The following C12orf42 variants were observed in gnomAD, a reference collection of about 807,000 sequenced individuals.
The protein encoded by C12orf42 is chromosome 12 open reading frame 42.
C12orf42 carries 25 observed loss-of-function variants against 21.6 expected under a neutral mutation model. The observed-to-expected ratio is 1.16, with a 90% CI of 0.84 to 1.62. The LOEUF is 1.62. Ranked by LOEUF, C12orf42 falls within the 40% of genes most tolerant of loss-of-function variation. The pLI is 0.00. For synonymous variants in C12orf42, 174 were observed against 175.0 expected, an observed-to-expected ratio of 0.99 and a Z score of 0.05; for missense variants, 483 against 459.3, an observed-to-expected ratio of 1.05 and a Z score of -0.47.
chr12:103,287,254 T>C (rs372202086), intron 4 of C12orf42, among the ~76,000 whole-genome samples: 4 of 152,180 alleles, frequency 2.6e-5, no homozygotes, highest in African/African-American at 9.6e-5. Flanking sequence ...CACATGCACA[T>C]GTATGTTTAC....
chr12:103,181,177 A>C, the C12orf42 span, among the ~76,000 whole-genome samples: 3 of 152,072 alleles, frequency 2.0e-5, no homozygotes, highest in African/African-American at 7.2e-5. Context: ...CAGGAGAATC[A>C]TTTGAACCCA....
chr12:103,555,268 A>T, the C12orf42 span, among the ~76,000 whole-genome samples: 1 of 151,970 alleles, frequency 6.6e-6, no homozygotes, highest in African/African-American at 2.4e-5. Context: ...TCATGGTGGA[A>T]GGCAAGAAGG....
the C12orf42 span, among the ~76,000 whole-genome samples, chr12:103,122,527 T>C: frequency 6.6e-6 from 1 of 152,086 alleles, no homozygotes; most frequent in African/African-American, 2.4e-5. Context: ...AGTGTTGGTA[T>C]AGAGTTGCAA....
the C12orf42 span, among the ~76,000 whole-genome samples, chr12:103,560,542 T>C: frequency 6.6e-6 from 1 of 152,220 alleles, no homozygotes; most frequent in African/African-American, 2.4e-5. Context: ...GCAAAATTCA[T>C]GTATAAGTTT....
intron 1 of C12orf42, among the ~76,000 whole-genome samples, chr12:103,495,135 T>G (rs1204268355): frequency 6.7e-6 from 1 of 148,670 alleles, no homozygotes; most frequent in Non-Finnish European, 1.5e-5. Flanking sequence ...GGAGCAGATG[T>G]GGGCAGGGGC....
At chr12:103,235,973 A>C (rs1426195641), downstream of C12orf42, among the ~76,000 whole-genome samples, 1 of 152,188 alleles carries the variant, frequency 6.6e-6, no homozygotes, top group Non-Finnish European at 1.5e-5. Context: ...GTGGTTCTGG[A>C]AATAAGGTAA....
chr12:103,506,835 TTA>T, the C12orf42 span, among the ~76,000 whole-genome samples: 16,467 of 69,598 alleles, frequency 0.24, 3,546 homozygotes, highest in African/African-American at 0.52. Flanking sequence ...TATTTATATA[TTA>T]TATATATATA....
chr12:103,301,191 A>AT (rs1269258413), downstream of C12orf42, among the ~76,000 whole-genome samples: 1 of 151,996 alleles, frequency 6.6e-6, no homozygotes, highest in Non-Finnish European at 1.5e-5. Context: ...AGAAAAAAAA[A>AT]TTTTTTTTAA....
At chr12:103,405,561 A>G (rs2138789940) in intron 2 of C12orf42, among the ~76,000 whole-genome samples, 1 of 152,272 alleles carries the variant, frequency 6.6e-6, no homozygotes, top group African/African-American at 2.4e-5. Flanking sequence ...CATCTGACAA[A>G]TACCTTCACA....
At chr12:103,224,895 G>C in the C12orf42 span, among the ~76,000 whole-genome samples, 176 of 152,286 alleles carry the variant, frequency 1.2e-3, no homozygotes, top group African/African-American at 4.0e-3. Flanking sequence ...ATGAGTTGTT[G>C]TTTTGTAAGG....
At chr12:103,341,971 T>C (rs1013429106) in intron 4 of C12orf42, among the ~76,000 whole-genome samples, 1 of 152,218 alleles carries the variant, frequency 6.6e-6, no homozygotes, top group African/African-American at 2.4e-5. Context: ...TCTACATCTA[T>C]GTATAGCTTA....
chr12:103,171,080 G>A, the C12orf42 span, among the ~76,000 whole-genome samples: 3 of 151,996 alleles, frequency 2.0e-5, no homozygotes, highest in Admixed American at 1.3e-4. Flanking sequence ...CTTTCCTGGA[G>A]CTTCTTAGCT....
At chr12:103,495,309 G>A (rs181977695) in intron 1 of C12orf42, among the ~76,000 whole-genome samples, 23 of 152,270 alleles carry the variant, frequency 1.5e-4, no homozygotes, top group African/African-American at 5.3e-4. Flanking sequence ...GAACTTTCCT[G>A]GTGCGGAGAT....
intron 3 of C12orf42, among the ~76,000 whole-genome samples, chr12:103,381,188 A>G (rs2046137553): frequency 6.6e-6 from 1 of 152,206 alleles, no homozygotes; most frequent in Non-Finnish European, 1.5e-5. Flanking sequence ...TGAGCAAATC[A>G]CTAAACTGAA....
At chr12:103,509,252 A>C in the C12orf42 span, among the ~76,000 whole-genome samples, 1 of 152,198 alleles carries the variant, frequency 6.6e-6, no homozygotes, top group African/African-American at 2.4e-5. Flanking sequence ...TCAATGATGC[A>C]ATATTTGTTA....
chr12:103,495,011 T>C (rs113969226), intron 1 of C12orf42, among the ~76,000 whole-genome samples: 115 of 152,066 alleles, frequency 7.6e-4, no homozygotes, highest in African/African-American at 2.7e-3. Flanking sequence ...AAATAATATG[T>C]CTACACACAT....
At chr12:103,081,270 T>C in the C12orf42 span, 2 of 152,214 alleles carry the variant, frequency 1.3e-5, no homozygotes, top group Non-Finnish European at 2.9e-5. Flanking sequence ...TATAAAACTC[T>C]TCTTTACAAG....
At chr12:103,204,663 T>C in the C12orf42 span, among the ~76,000 whole-genome samples, 2 of 152,136 alleles carry the variant, frequency 1.3e-5, no homozygotes, top group African/African-American at 4.8e-5. Flanking sequence ...CATCACACAA[T>C]TGAATGAGAT....
At chr12:103,471,809 T>C (rs1002507828) in intron 2 of C12orf42, among the ~76,000 whole-genome samples, 12 of 152,210 alleles carry the variant, frequency 7.9e-5, no homozygotes, top group Admixed American at 3.9e-4. Context: ...ATATAGCACA[T>C]TGACCTCTCT....
Sources: gnomAD v4.1 joint callset for allele counts (sites outside exome capture counted in the v4.1 genomes callset) on GRCh38, gnomAD v4.1.1 for gene constraint, MANE v1.5 for transcripts, NCBI Gene and HGNC (gene_info 2026-07-23, HGNC 2026-07-21) for gene names.